The following BMERB1 variants were observed in gnomAD, a reference collection of about 807,000 sequenced individuals.
The protein encoded by BMERB1 is bMERB domain-containing protein 1.
A neutral mutation model predicts 23.6 loss-of-function variants in BMERB1; 12 were observed. The ratio of observed to expected loss-of-function variants is 0.51; its 90% CI spans 0.33 to 0.82. The LOEUF (loss-of-function observed/expected upper bound fraction) is 0.82. BMERB1 is among the 40% of genes least tolerant of loss of function. The pLI is 0.03. For synonymous variants in BMERB1, 122 were observed against 96.6 expected (o/e 1.26, Z -1.54); for missense variants, 247 against 255.4 (o/e 0.97, Z 0.22).
intron 2 of BMERB1, among the ~76,000 whole-genome samples, chr16:15,543,722 G>T (rs1360272425): frequency 6.6e-6 from 1 of 152,128 alleles, no homozygotes; most frequent in Non-Finnish European, 1.5e-5. Context: ...TCAGGAGGCT[G>T]AGGTGGGAAG....
At chr16:15,473,561 G>A (rs1386362742) in intron 1 of BMERB1, among the ~76,000 whole-genome samples, 1 of 151,982 alleles carries the variant, frequency 6.6e-6, no homozygotes, top group Non-Finnish European at 1.5e-5. Flanking sequence ...CCAAAGTGCT[G>A]GGATTACAGG....
rs560971692 is a variant in BMERB1, at chr16:15,524,154, C to T, written c.230+8726C>T. Among the ~76,000 whole-genome samples the T allele has an allele frequency of 3.5e-4, 54 of 152,276 alleles. No individual in the cohort carries two copies. The Middle Eastern group carries it at 0.01, about 29-fold the overall frequency. The stretch of plus-strand genomic sequence containing the variant: ...ATTTCAGCCACATTCAGGAGCTCTG[C>T]GTCACTTTAGTTGCACACAGGGTTT... On this transcript the variant is annotated intron_variant, in intron 2 of 5. Transcript: ENST00000300006.
intron 3 of BMERB1, among the ~76,000 whole-genome samples, chr16:15,571,438 A>C (rs911782402): frequency 1.7e-4 from 26 of 151,896 alleles, no homozygotes; most frequent in South Asian, 2.1e-4. Context: ...GCTCACAGCA[A>C]GTTCCGCCTC....
Position 15,515,422 on chromosome 16 carries a change from G to C in BMERB1, c.224G>C (p.Arg75Thr), listed in dbSNP as rs772046771. Reference protein sequence around the residue: ...EVLVRRESELRFMMDDIQLCK... With the variant: ...EVLVRRESELTFMMDDIQLCK... ...TTGGTCCGCCGGGAGTCTGAGCTCA[G>C]GTTCATGTGAGTGTTTTGGGGATGT... Residue 75 changes from arginine (R) to threonine (T), a missense_variant, in exon 2 of 6, where the codon AGG (arginine) becomes ACG (threonine). Coordinates refer to ENST00000300006, the MANE Select transcript of BMERB1 (RefSeq NM_033201.3). 6.2e-7 allele frequency: 1 copy of C among 1,613,630 alleles called. No homozygotes were observed. Among genetic ancestry groups the C allele is most frequent in the Non-Finnish European group, 8.5e-7 (1 of 1,179,874 alleles).
intron 1 of BMERB1, among the ~76,000 whole-genome samples, chr16:15,507,339 C>G (rs2051603401): frequency 6.6e-6 from 1 of 152,110 alleles, no homozygotes. Context: ...CCAGGGCTGC[C>G]CGGGTGCTCA....
At chr16:15,505,452 G>A (rs1376428441) in intron 1 of BMERB1, among the ~76,000 whole-genome samples, 1 of 152,160 alleles carries the variant, frequency 6.6e-6, no homozygotes, top group African/African-American at 2.4e-5. Flanking sequence ...ACCTTAAGCA[G>A]GCTATAGTAT....
intron 3 of BMERB1, among the ~76,000 whole-genome samples, chr16:15,579,871 G>A (rs1200141950): frequency 1.3e-5 from 2 of 151,990 alleles, no homozygotes. Context: ...ATTTACTGAA[G>A]GCTCTCAGCC....
At chr16:15,497,165 T>C (rs2051481471) in intron 1 of BMERB1, among the ~76,000 whole-genome samples, 1 of 152,130 alleles carries the variant, frequency 6.6e-6, no homozygotes, top group Non-Finnish European at 1.5e-5. Context: ...ACAACAATTA[T>C]TGCTAAGGAA....
intron 2 of BMERB1, among the ~76,000 whole-genome samples, chr16:15,557,165 G>A (rs8046405): frequency 0.11 from 16,893 of 152,052 alleles, 2,903 homozygotes; most frequent in African/African-American, 0.37. Context: ...AAAATGACCC[G>A]CTTTCCCCTA....
At chr16:15,466,175 ACT>A (rs922368406) in intron 1 of BMERB1, among the ~76,000 whole-genome samples, 18 of 152,214 alleles carry the variant, frequency 1.2e-4, no homozygotes, top group African/African-American at 4.3e-4. Flanking sequence ...TCCAACTGTG[ACT>A]CTATAAATTT....
At chr16:15,557,085 A>G (rs963463163) in intron 2 of BMERB1, among the ~76,000 whole-genome samples, 9 of 152,162 alleles carry the variant, frequency 5.9e-5, no homozygotes, top group Admixed American at 3.9e-4. Context: ...CGTTTTCACA[A>G]ACATTTTGTA....
chr16:15,486,278 CA>C (rs2051367735), intron 1 of BMERB1, among the ~76,000 whole-genome samples: 1 of 151,508 alleles, frequency 6.6e-6, no homozygotes, highest in African/African-American at 2.4e-5. Context: ...TCTAGGTGAC[CA>C]AAACCCACTG....
intron 2 of BMERB1, among the ~76,000 whole-genome samples, chr16:15,518,606 C>T (rs75645170): frequency 2.0e-5 from 3 of 152,184 alleles, no homozygotes; most frequent in Non-Finnish European, 4.4e-5. Context: ...CTTGGCTGTT[C>T]CTCAGAGATG....
At chr16:15,471,116 C>T (rs534983292) in intron 1 of BMERB1, among the ~76,000 whole-genome samples, 20 of 152,184 alleles carry the variant, frequency 1.3e-4, no homozygotes, top group African/African-American at 4.6e-4. Flanking sequence ...GGATTACAGG[C>T]GTCAGCCACT....
At chr16:15,510,143 G>T (rs2051645424) in intron 1 of BMERB1, among the ~76,000 whole-genome samples, 1 of 152,120 alleles carries the variant, frequency 6.6e-6, no homozygotes, top group Non-Finnish European at 1.5e-5. Flanking sequence ...CCAACACCTT[G>T]GTTTCCGACT....
At chr16:15,529,015 G>GTGTGTGTTTGTT (rs1555511480) in intron 2 of BMERB1, among the ~76,000 whole-genome samples, 1 of 151,500 alleles carries the variant, frequency 6.6e-6, no homozygotes, top group African/African-American at 2.4e-5. Context: ...TGAAAAATAA[G>GTGTGTGTTTGTT]TGTTTGTTTG....
In BMERB1 at chr16:15,586,856, G is replaced by T; in HGVS notation, c.*27G>T. 1 of 1,458,486 alleles carries T rather than the reference G, an allele frequency of 6.9e-7. No homozygotes were observed. Among genetic ancestry groups the T allele is most frequent in the Non-Finnish European group, 9.3e-7 (1 of 1,073,890 alleles). The allele number at this position is 1,458,486 out of a possible 1,614,324, so 90.3% of individuals were successfully genotyped here. On this transcript the variant is annotated 3_prime_UTR_variant, in exon 6 of 6. Coordinates refer to ENST00000300006, the MANE Select transcript of BMERB1 (RefSeq NM_033201.3). ...CCCCACGTGGGGTGCCCTGGGCCAT[G>T]GGGACCCCCCCCCACCCTCTTGTCT...
chr16:15,586,610 C>T (rs1179783579), intron 5 of BMERB1, 107 bp from the exon 6 acceptor site: 3 of 867,000 alleles, frequency 3.5e-6, no homozygotes, highest in Non-Finnish European at 5.7e-6. Flanking sequence ...AAGACCTGGC[C>T]AGGGGTTGCA....
At chr16:15,479,030 A>T (rs371047591) in intron 1 of BMERB1, among the ~76,000 whole-genome samples, 2 of 152,350 alleles carry the variant, frequency 1.3e-5, no homozygotes, top group East Asian at 3.9e-4. Flanking sequence ...ATTGAAAGAA[A>T]TACTGAGAAA....
Sources: gnomAD v4.1 joint callset for allele counts (sites outside exome capture counted in the v4.1 genomes callset) on GRCh38, gnomAD v4.1.1 for gene constraint, MANE v1.5 for transcripts, NCBI Gene and HGNC (gene_info 2026-07-23, HGNC 2026-07-21) for gene names.